Variants in MOCS1 observed in about 807,000 individuals in gnomAD.
MOCS1 encodes molybdenum cofactor synthesis 1.
MOCS1 carries 39 observed loss-of-function variants against 57.6 expected under a neutral mutation model. The ratio of observed to expected loss-of-function variants is 0.68; its 90% CI spans 0.52 to 0.88. MOCS1 has a LOEUF of 0.88. Ranked by LOEUF, MOCS1 falls within the 40% of genes least tolerant of loss-of-function variation. MOCS1 has a pLI of 0.00. For synonymous variants in MOCS1, 334 were observed against 335.7 expected (o/e 1.00, Z 0.05); for missense variants, 795 against 831.1 (o/e 0.96, Z 0.53).
Position 39,913,747 on chromosome 6 carries a change from G to C in MOCS1, c.645+27C>G, listed in dbSNP as rs1353129258. ...CCAGGGCAGTGTGGAGGGAAGTCGG[G>C]AATCTACGGCAGGGGCACGGCCTCA... On this transcript the variant is annotated intron_variant, in intron 5 of 10. Coordinates refer to ENST00000340692, the MANE Select transcript of MOCS1 (RefSeq NM_001358530.2). 5 of 1,613,434 alleles carry C rather than the reference G, an allele frequency of 3.1e-6. No individual in the cohort carries two copies. The South Asian group carries it at 5.5e-5, about 18-fold the overall frequency.
chr6:39,913,192 A>G (rs977161307), intron 6 of MOCS1, 125 bp downstream of exon 6: 2 of 950,288 alleles, frequency 2.1e-6, no homozygotes, highest in Non-Finnish European at 3.4e-6. Context: ...AGAAGCCACC[A>G]ACAGCCCATC....
Position 39,906,767 on chromosome 6 carries a change from C to G in MOCS1, c.1501G>C (p.Asp501His). 1 of 1,614,240 alleles carries G rather than the reference C, an allele frequency of 6.2e-7. No homozygotes were observed. The highest frequency in any genetic ancestry group is 8.5e-7 in the Non-Finnish European group (1 of 1,180,046). The change falls in exon 11 of 11, where the codon GAC becomes CAC. Residue 501 changes from aspartate (D) to histidine (H), a missense_variant. Physicochemically the swap from Asp to His is moderately conservative, Grantham distance 81. This residue lies in a region of MOCS1 where 374 missense variants were observed against 422.6 expected (regional missense o/e 0.89). Coordinates refer to ENST00000340692, the MANE Select transcript of MOCS1 (RefSeq NM_001358530.2). ...AAMVDVGRKP[D>H]TERVAVASAV... ...GAAGCCACAGCCACCCGCTCTGTGT[C>G]TGGCTTCCTGCCCACATCTACCATA...
intron 3 of MOCS1, among the ~76,000 whole-genome samples, chr6:39,922,222 CAT>C (rs749337915): frequency 2.4e-4 from 37 of 152,288 alleles, no homozygotes; most frequent in East Asian, 7.7e-4. Context: ...ACATTAGCCA[CAT>C]GTCAGGCCCT....
rs142029250 is a variant in MOCS1, at chr6:39,927,573, C to A, written c.124-118G>T. On this transcript the variant is annotated intron_variant, in intron 1 of 10. Coordinates refer to ENST00000340692, the MANE Select transcript of MOCS1 (RefSeq NM_001358530.2). The stretch of plus-strand genomic sequence containing the variant: ...CATCTGTGCGGAGCTTCCAACTCTT[C>A]CACATGTTTGGGCTCTGCAATGTTG... 6.8e-5 allele frequency: 109 copies of A among 1,609,310 alleles called. 1 individual carries two copies. The African/African-American group carries it at 1.2e-3, about 18-fold the overall frequency.
chr6:39,914,939 G>A (rs753439632), intron 4 of MOCS1, among the ~76,000 whole-genome samples: 5 of 152,038 alleles, frequency 3.3e-5, no homozygotes, highest in Admixed American at 1.3e-4. Flanking sequence ...CTTTCCCACC[G>A]TAGAGCCCTT....
chr6:39,918,415 T>C (rs1767780406), intron 3 of MOCS1, among the ~76,000 whole-genome samples: 1 of 152,234 alleles, frequency 6.6e-6, no homozygotes, highest in Admixed American at 6.5e-5. Flanking sequence ...ATATAATCTT[T>C]CTGGAGAGAA....
rs1013817667 is a variant in MOCS1, at chr6:39,910,387, C to A, written c.982-432G>T. Reference sequence around the variant, plus strand: ...CACACACATCCCATTTCACCTCAGCCCCTCCAAGTCCCTTGTGGACATCAC... The same window carrying A: ...CACACACATCCCATTTCACCTCAGCACCTCCAAGTCCCTTGTGGACATCAC... On this transcript the variant is annotated intron_variant, in intron 8 of 10. Transcript: ENST00000340692. Among the ~76,000 whole-genome samples the A allele has an allele frequency of 3.9e-5, 6 of 152,268 alleles. No individual in the cohort carries two copies. In the South Asian group the frequency reaches 8.3e-4, roughly 21 times the overall value.
chr6:39,926,437 A>G (rs1393812535), intron 2 of MOCS1, among the ~76,000 whole-genome samples: 1 of 151,498 alleles, frequency 6.6e-6, no homozygotes, highest in Non-Finnish European at 1.5e-5. Context: ...AAATGAGGTG[A>G]GCAGCGGCAG....
At chr6:39,907,235 G>T in intron 10 of MOCS1, 118 bp from the exon 11 acceptor site, 1 of 1,105,898 alleles carries the variant, frequency 9.0e-7, no homozygotes, top group Non-Finnish European at 1.3e-6. Context: ...ACCGGGGAAA[G>T]AGGAATGAAG....
chr6:39,928,013 T>C (rs570126846), intron 1 of MOCS1, among the ~76,000 whole-genome samples: 1 of 152,200 alleles, frequency 6.6e-6, no homozygotes, highest in African/African-American at 2.4e-5. Context: ...TCCAAGGAAG[T>C]AGCATTTACC....
chr6:39,912,209 G>A (rs1306440127), intron 8 of MOCS1, 55 bp downstream of exon 8: 4 of 1,307,992 alleles, frequency 3.1e-6, no homozygotes, highest in East Asian at 2.3e-5. Context: ...CAGGTGGGAG[G>A]AGACATGAGA....
chr6:39,923,941 C>T (rs982612634), intron 3 of MOCS1, among the ~76,000 whole-genome samples: 6 of 152,144 alleles, frequency 3.9e-5, no homozygotes, highest in Non-Finnish European at 7.3e-5. Flanking sequence ...GAGGGCACTC[C>T]AGCGAACAAT....
At chr6:39,926,352 G>GGTTATCA (rs1184679411) in intron 2 of MOCS1, among the ~76,000 whole-genome samples, 1 of 152,046 alleles carries the variant, frequency 6.6e-6, no homozygotes, top group Non-Finnish European at 1.5e-5. Flanking sequence ...ATCTATTTCA[G>GGTTATCA]GTTATCATCA....
At chr6:39,921,837 T>C (rs1305915792) in intron 3 of MOCS1, among the ~76,000 whole-genome samples, 1 of 152,160 alleles carries the variant, frequency 6.6e-6, no homozygotes, top group Non-Finnish European at 1.5e-5. Flanking sequence ...ATGGGTTAAC[T>C]TGTGTCATGG....
At chr6:39,921,797 C>T (rs1373182424) in intron 3 of MOCS1, among the ~76,000 whole-genome samples, 2 of 151,930 alleles carry the variant, frequency 1.3e-5, no homozygotes, top group African/African-American at 2.4e-5. Context: ...CTTTTTTTTA[C>T]GTTCAGGGGT....
In MOCS1 at chr6:39,916,216, C is replaced by T. The variant is rs1320278271; in HGVS notation, c.435G>A (p.Leu145=). Residue 145 remains leucine (L), a synonymous_variant, in exon 4 of 11, where the codon CTG becomes CTA. Coordinates refer to ENST00000340692, the MANE Select transcript of MOCS1 (RefSeq NM_001358530.2). ...VVDIVAQLQR[L]EGLRTIGVTT... Reference sequence around the variant, plus strand: ...TAACACCTATGGTTCTCAGCCCTTCCAGCCGCTGGAGCTGGGCTGTAAGGA... The same window carrying T: ...TAACACCTATGGTTCTCAGCCCTTCTAGCCGCTGGAGCTGGGCTGTAAGGA... The T allele has an allele frequency of 6.2e-7, 1 of 1,613,872 alleles. No homozygotes were observed. The highest frequency in any genetic ancestry group is 8.5e-7 in the Non-Finnish European group (1 of 1,179,974).
rs1318848988 is a variant in MOCS1 at position 39,906,760 on chromosome 6, T to C, written c.1508A>G (p.Glu503Gly). Residue 503 changes from glutamate to glycine, a missense_variant, in exon 11 of 11, where the codon GAG (glutamate) becomes GGG (glycine). Physicochemically the swap from Glu to Gly is moderately conservative, Grantham distance 98. Transcript: ENST00000340692. ...CACGGCTGAAGCCACAGCCACCCGC[T>C]CTGTGTCTGGCTTCCTGCCCACATC... ...MVDVGRKPDT[E>G]RVAVASAVVL... The C allele has an allele frequency of 1.2e-6, 2 of 1,614,102 alleles. No individual in the cohort carries two copies. The highest frequency in any genetic ancestry group is 1.7e-5 in the Admixed American group (1 of 60,012).
chr6:39,929,270 G>A (rs944314883), intron 1 of MOCS1, among the ~76,000 whole-genome samples: 1 of 152,072 alleles, frequency 6.6e-6, no homozygotes, highest in Non-Finnish European at 1.5e-5. Context: ...CCCTCCCTGC[G>A]GTATGATGGA....
At chr6:39,909,021 A>G in intron 10 of MOCS1, 34 bp downstream of exon 10, 1 of 1,600,630 alleles carries the variant, frequency 6.2e-7, no homozygotes, top group Non-Finnish European at 8.6e-7. Context: ...CCAAATGACA[A>G]GGGTGAGTGG....
Sources: gnomAD v4.1 joint callset for allele counts (sites outside exome capture counted in the v4.1 genomes callset) on GRCh38, gnomAD v4.1.1 for gene constraint, gnomAD v4.1.1 regional missense constraint, MANE v1.5 for transcripts, NCBI Gene and HGNC (gene_info 2026-07-23, HGNC 2026-07-21) for gene names.